The following PCSK5 variants were observed in gnomAD, a reference collection of about 807,000 sequenced individuals.
PCSK5 encodes the protein proprotein convertase subtilisin/kexin type 5, also known as prohormone convertase 5.
PCSK5 carries 129 observed loss-of-function variants against 233.2 expected under a neutral mutation model. That is an observed-to-expected ratio of 0.55 (90% CI 0.48 to 0.64). The LOEUF is 0.64. Ranked by LOEUF, PCSK5 falls within the 30% of genes least tolerant of loss-of-function variation. The pLI, the probability that PCSK5 is intolerant of heterozygous loss-of-function variation, is 0.00. For synonymous variants in PCSK5, 825 were observed against 879.2 expected, an observed-to-expected ratio of 0.94 and a Z score of 1.09; for missense variants, 2,076 against 2,430.1, an observed-to-expected ratio of 0.85 and a Z score of 3.06.
intron 1 of PCSK5, among the ~76,000 whole-genome samples, chr9:75,892,527 G>A (rs1259430171): frequency 6.6e-6 from 1 of 152,244 alleles, no homozygotes; most frequent in Non-Finnish European, 1.5e-5. Flanking sequence ...GGCGCGCTTT[G>A]GGGACTGCCC....
At chr9:75,894,692 T>C (rs12352040) in intron 1 of PCSK5, among the ~76,000 whole-genome samples, 313 of 152,268 alleles carry the variant, frequency 2.1e-3, no homozygotes, top group African/African-American at 7.0e-3. Flanking sequence ...CTACCAGCCC[T>C]CTTAGTATCT....
rs1348718177 is a variant in PCSK5 at position 76,359,953 on chromosome 9, T to G, written c.*1031T>G. 1 of 152,212 alleles carries G rather than the reference T, an allele frequency of 6.6e-6. No homozygotes were observed. Among genetic ancestry groups the G allele is most frequent in the South Asian group, 2.1e-4 (1 of 4,836 alleles). 9.4% of individuals were successfully genotyped at this position (152,212 alleles called of 1,614,324 possible). On this transcript the variant is annotated 3_prime_UTR_variant, in exon 38 of 38. Coordinates refer to ENST00000674117, the MANE Select transcript of PCSK5 (RefSeq NM_001372043.1). ...TAGCTGCTGACCAGCCTTCCAGCAC[T>G]GCTCATCACTATGATTTTTGTTTCT...
At chr9:76,060,728 A>G (rs1212940438) in intron 5 of PCSK5, among the ~76,000 whole-genome samples, 1 of 152,226 alleles carries the variant, frequency 6.6e-6, no homozygotes, top group Non-Finnish European at 1.5e-5. Flanking sequence ...TTGTTTGGAA[A>G]AAGAGGATTG....
intron 37 of PCSK5, among the ~76,000 whole-genome samples, chr9:76,358,094 T>G (rs1830347726): frequency 6.6e-6 from 1 of 152,320 alleles, no homozygotes; most frequent in South Asian, 2.1e-4. Flanking sequence ...ATAAGGGAAC[T>G]CCCTTTGGAT....
intron 3 of PCSK5, among the ~76,000 whole-genome samples, chr9:76,007,688 G>A (rs1309106358): frequency 2.6e-5 from 4 of 151,526 alleles, no homozygotes; most frequent in Non-Finnish European, 4.4e-5. Context: ...GTGCAGTGGC[G>A]TGATTATGGC....
intron 33 of PCSK5, among the ~76,000 whole-genome samples, chr9:76,328,797 C>T (rs1212721743): frequency 6.6e-6 from 1 of 151,942 alleles, no homozygotes; most frequent in African/African-American, 2.4e-5. Context: ...CATTTAGCTT[C>T]CATGTCCCTT....
intron 7 of PCSK5, among the ~76,000 whole-genome samples, chr9:76,076,240 G>C (rs1830642231): frequency 6.6e-6 from 1 of 152,168 alleles, no homozygotes; most frequent in Non-Finnish European, 1.5e-5. Flanking sequence ...GGTGGAACAG[G>C]AAGAGGGCCA....
At chr9:75,946,786 C>G (rs1372054885) in intron 2 of PCSK5, among the ~76,000 whole-genome samples, 1 of 152,102 alleles carries the variant, frequency 6.6e-6, no homozygotes, top group Non-Finnish European at 1.5e-5. Context: ...GGCTGGGTTT[C>G]ACTATGTTGG....
Position 76,193,334 on chromosome 9 carries a change from A to G in PCSK5, c.2626+3588A>G, listed in dbSNP as rs769021142. 8.1e-6 allele frequency: 13 copies of G among 1,612,140 alleles called. No individual in the cohort carries two copies. The South Asian group carries it at 8.8e-5, about 11-fold the overall frequency. On this transcript the variant is annotated intron_variant, in intron 20 of 37. Coordinates refer to ENST00000674117, the MANE Select transcript of PCSK5 (RefSeq NM_001372043.1). ...TTCTTCAACAACTTTGCTGCAAAACATGTACATTTCAAGGCTGAGCAGCCA... is the reference window on the plus strand; with the variant it reads ...TTCTTCAACAACTTTGCTGCAAAACGTGTACATTTCAAGGCTGAGCAGCCA...
chr9:76,212,516 C>A (rs1825369675), intron 20 of PCSK5, among the ~76,000 whole-genome samples: 1 of 152,202 alleles, frequency 6.6e-6, no homozygotes, highest in African/African-American at 2.4e-5. Flanking sequence ...TGGTTAAACG[C>A]ACAGTGCTAC....
Position 76,360,560 on chromosome 9 carries a change from TA to T in PCSK5, c.*1640del, listed in dbSNP as rs1272178273. On this transcript the variant is annotated 3_prime_UTR_variant, in exon 38 of 38. Coordinates refer to ENST00000674117, the MANE Select transcript of PCSK5 (RefSeq NM_001372043.1). ...ATTCATGGATTTTCTTTTTTTAACA[TA>T]ATGTATCACTGACACAGAAAATCTT... 6.6e-6 allele frequency: 1 copy of T among 152,230 alleles called. No homozygotes were observed. The highest frequency in any genetic ancestry group is 1.5e-5 in the Non-Finnish European group (1 of 68,042). 9.4% of individuals were successfully genotyped at this position (152,230 alleles called of 1,614,324 possible).
intron 34 of PCSK5, 65 bp downstream of exon 34, chr9:76,332,675 C>T: frequency 3.3e-6 from 4 of 1,194,046 alleles, no homozygotes; most frequent in East Asian, 2.6e-5. Flanking sequence ...ACCCATTTTA[C>T]AAATGAGGAA....
Position 76,359,964 on chromosome 9 carries a change from A to G in PCSK5, c.*1042A>G, listed in dbSNP as rs925767481. ...CAGCCTTCCAGCACTGCTCATCACT[A>G]TGATTTTTGTTTCTAGACTTCCTAG... On this transcript the variant is annotated 3_prime_UTR_variant, in exon 38 of 38. Transcript: ENST00000674117. 3 of 151,922 alleles carry G rather than the reference A, an allele frequency of 2.0e-5. No homozygotes were observed. Among genetic ancestry groups the G allele is most frequent in the Admixed American group, 6.6e-5 (1 of 15,244 alleles). 9.4% of individuals were successfully genotyped at this position (151,922 alleles called of 1,614,324 possible).
intron 2 of PCSK5, among the ~76,000 whole-genome samples, chr9:75,952,013 A>T (rs1824883154): frequency 6.6e-6 from 1 of 152,228 alleles, no homozygotes; most frequent in Non-Finnish European, 1.5e-5. Context: ...GAAAGAATTT[A>T]AAGTGAACAT....
intron 14 of PCSK5, among the ~76,000 whole-genome samples, chr9:76,178,002 A>C (rs539593710): frequency 6.6e-6 from 1 of 151,874 alleles, no homozygotes; most frequent in Non-Finnish European, 1.5e-5. Flanking sequence ...AGGGCCACCC[A>C]TGACTCCTTT....
intron 32 of PCSK5, among the ~76,000 whole-genome samples, chr9:76,326,692 G>C (rs530405807): frequency 2.0e-5 from 3 of 152,270 alleles, no homozygotes; most frequent in African/African-American, 7.2e-5. Context: ...ATGCTTACAG[G>C]GGGGCCTGCT....
intron 9 of PCSK5, among the ~76,000 whole-genome samples, chr9:76,124,745 CAAAA>C (rs58659276): frequency 0.32 from 29,420 of 91,114 alleles, 3,587 homozygotes; most frequent in Middle Eastern, 0.41. Context: ...GACTCCATCT[CAAAA>C]AAAAAAAAAA....
intron 2 of PCSK5, among the ~76,000 whole-genome samples, chr9:75,957,590 C>T (rs1370007624): frequency 1.3e-5 from 2 of 152,178 alleles, no homozygotes; most frequent in Non-Finnish European, 2.9e-5. Flanking sequence ...AATCCTGCCT[C>T]TCTGGAAGGC....
chr9:76,186,613 T>C (rs1475270047), intron 17 of PCSK5, among the ~76,000 whole-genome samples: 1 of 152,218 alleles, frequency 6.6e-6, no homozygotes, highest in Non-Finnish European at 1.5e-5. Flanking sequence ...GACTGCTGTC[T>C]GTTACACGTC....
Sources: allele counts gnomAD v4.1 joint callset (sites outside exome capture counted in the v4.1 genomes callset), GRCh38; gene constraint gnomAD v4.1.1; transcripts MANE v1.5; gene names NCBI Gene and HGNC (gene_info 2026-07-23, HGNC 2026-07-21).